Variants in MDFIC observed in about 807,000 individuals in gnomAD.
The protein encoded by MDFIC is myoD family inhibitor domain-containing protein.
MDFIC carries 17 observed loss-of-function variants against 23.2 expected under a neutral mutation model. The observed-to-expected ratio is 0.73, with a 90% confidence interval of 0.50 to 1.10. The LOEUF (loss-of-function observed/expected upper bound fraction) is 1.10, where lower values mean the gene tolerates loss of function less well. Ranked by LOEUF, MDFIC falls within the 50% of genes least tolerant of loss-of-function variation. The pLI is 0.00. For synonymous variants in MDFIC, 120 were observed against 115.2 expected (o/e 1.04, Z -0.27); for missense variants, 356 against 316.6 (o/e 1.12, Z -0.95).
intron 4 of MDFIC, among the ~76,000 whole-genome samples, chr7:114,997,443 C>G (rs1286368071): frequency 6.6e-6 from 1 of 151,228 alleles, no homozygotes; most frequent in Non-Finnish European, 1.5e-5. Context: ...TGTGTTTTAT[C>G]TCTCTCAGAT....
chr7:115,006,745 G>A (rs1458616423), intron 4 of MDFIC, among the ~76,000 whole-genome samples: 1 of 152,066 alleles, frequency 6.6e-6, no homozygotes, highest in African/African-American at 2.4e-5. Context: ...AGCCATAAAT[G>A]GTATTGTTAC....
chr7:115,006,631 T>C (rs1311066944), intron 4 of MDFIC, among the ~76,000 whole-genome samples: 2 of 152,210 alleles, frequency 1.3e-5, no homozygotes, highest in Non-Finnish European at 2.9e-5. Context: ...GAAAATAAAA[T>C]TAGAAAATAT....
chr7:115,007,343 A>G (rs1791588856), intron 4 of MDFIC, among the ~76,000 whole-genome samples: 2 of 152,070 alleles, frequency 1.3e-5, no homozygotes, highest in African/African-American at 4.8e-5. Context: ...ATCTCTTTTA[A>G]TCTTCATCAT....
intron 3 of MDFIC, among the ~76,000 whole-genome samples, chr7:114,945,482 A>G (rs1271405193): frequency 6.6e-6 from 1 of 152,218 alleles, no homozygotes; most frequent in East Asian, 1.9e-4. Flanking sequence ...TCCCTGGTCC[A>G]CGTAGAAAAC....
chr7:115,017,768 G>T lies in MDFIC; in HGVS notation c.*1833G>T, dbSNP rs1419949072. ...TTGGTTTGATTTAATATAATTCTTA[G>T]TAGAAATTTTGAAAGTATGCTTTGG... On this transcript the variant is annotated 3_prime_UTR_variant, in exon 5 of 5. Coordinates refer to ENST00000393486, the MANE Select transcript of MDFIC (RefSeq NM_001166345.3). 1 of 152,256 alleles carries T rather than the reference G, an allele frequency of 6.6e-6. No homozygotes were observed. The highest frequency in any genetic ancestry group is 2.4e-5 in the African/African-American group (1 of 41,396). The allele number at this position is 152,256 out of a possible 1,614,324, so 9.4% of individuals were successfully genotyped here.
At chr7:114,992,408 G>A (rs1430931157) in intron 4 of MDFIC, among the ~76,000 whole-genome samples, 3 of 152,138 alleles carry the variant, frequency 2.0e-5, no homozygotes, top group African/African-American at 4.8e-5. Context: ...TGGTGAGAGA[G>A]GGCATCCCTG....
At chr7:114,929,065 A>G (rs1314283621) in intron 2 of MDFIC, among the ~76,000 whole-genome samples, 1 of 130,896 alleles carries the variant, frequency 7.6e-6, no homozygotes. Context: ...ATATAGATAT[A>G]GATCTATAGA....
chr7:114,977,458 C>T (rs987886636), intron 3 of MDFIC, among the ~76,000 whole-genome samples: 8 of 152,094 alleles, frequency 5.3e-5, no homozygotes, highest in Non-Finnish European at 1.0e-4. Context: ...CTAAAATCAA[C>T]AAATACCTCT....
At chr7:114,963,028 G>A (rs192735898) in intron 3 of MDFIC, among the ~76,000 whole-genome samples, 1 of 152,092 alleles carries the variant, frequency 6.6e-6, no homozygotes, top group Non-Finnish European at 1.5e-5. Context: ...CCAAATTGTG[G>A]TTGTATTTTA....
rs533408950 is a variant in MDFIC, at chr7:115,007,713, A to G, written c.494-7975A>G. 6.8e-5 allele frequency among the ~76,000 whole-genome samples: 10 copies of G among 148,090 alleles called. No homozygotes were observed. In the South Asian group the frequency reaches 2.2e-3, roughly 32 times the overall value. ...TTTTGGTATAGAGTCTCACCCTGACACCCAGGCTGGAGTGCAGTGGCATGA... is the reference window on the plus strand; with the variant it reads ...TTTTGGTATAGAGTCTCACCCTGACGCCCAGGCTGGAGTGCAGTGGCATGA... On this transcript the variant is annotated intron_variant, in intron 4 of 4. Transcript: ENST00000393486.
Position 114,999,764 on chromosome 7 carries a change from G to C in MDFIC, c.494-15924G>C, listed in dbSNP as rs143627888. 6.9e-3 allele frequency among the ~76,000 whole-genome samples: 309 copies of C among 44,736 alleles called. 4 individuals carry two copies. The highest frequency in any genetic ancestry group is 0.016 in the African/African-American group (296 of 18,224). 29.3% of individuals were successfully genotyped at this position (44,736 alleles called of 152,430 possible). Reference sequence around the variant, plus strand: ...TGAACCTCCAGCTCAGGGGTCCTTAGCATTGGGGGAGGGTCCAATGTAAGT... The same window carrying C: ...TGAACCTCCAGCTCAGGGGTCCTTACCATTGGGGGAGGGTCCAATGTAAGT... On this transcript the variant is annotated intron_variant, in intron 4 of 4. Transcript: ENST00000393486.
intron 2 of MDFIC, among the ~76,000 whole-genome samples, chr7:114,933,318 G>GCGTGATCT (rs535970446): frequency 9.4e-4 from 142 of 151,112 alleles, no homozygotes; most frequent in African/African-American, 3.2e-3. Flanking sequence ...GAGTGCAATG[G>GCGTGATCT]CGTGATCTCG....
chr7:114,935,022 T>C (rs2115725074), intron 2 of MDFIC, among the ~76,000 whole-genome samples: 1 of 152,254 alleles, frequency 6.6e-6, no homozygotes, highest in Non-Finnish European at 1.5e-5. Flanking sequence ...AGGTTACAGT[T>C]GGGAAACATT....
chr7:114,974,437 C>G lies in MDFIC; in HGVS notation c.218-5069C>G, dbSNP rs73445405. Among the ~76,000 whole-genome samples, 859 of 152,124 alleles carry G rather than the reference C, an allele frequency of 5.6e-3. 6 individuals carry two copies. Among genetic ancestry groups the G allele is most frequent in the African/African-American group, 0.019 (798 of 41,520 alleles). On this transcript the variant is annotated intron_variant, in intron 3 of 4. Transcript: ENST00000393486. ...TTAGATTTACACCAAGTCATTTTCCCCCTCCATATTCTACATTGATCATTT... is the reference window on the plus strand; with the variant it reads ...TTAGATTTACACCAAGTCATTTTCCGCCTCCATATTCTACATTGATCATTT...
At chr7:114,971,449 A>G (rs925718632) in intron 3 of MDFIC, among the ~76,000 whole-genome samples, 1 of 152,182 alleles carries the variant, frequency 6.6e-6, no homozygotes, top group Non-Finnish European at 1.5e-5. Context: ...AAAGGGATCC[A>G]AAAGCAGGGC....
chr7:114,959,129 T>C (rs937037896), intron 3 of MDFIC, among the ~76,000 whole-genome samples: 1 of 152,180 alleles, frequency 6.6e-6, no homozygotes, highest in African/African-American at 2.4e-5. Context: ...TGAACAAACA[T>C]AAGACCAACT....
At chr7:114,957,066 T>C (rs1792898070) in intron 3 of MDFIC, among the ~76,000 whole-genome samples, 1 of 152,184 alleles carries the variant, frequency 6.6e-6, no homozygotes, top group Admixed American at 6.5e-5. Context: ...TGTAACACTT[T>C]TACCTAAGCT....
chr7:115,019,898 A>G lies in MDFIC; in HGVS notation c.*3963A>G, dbSNP rs1428528666. Among the ~76,000 whole-genome samples, 1 of 152,132 alleles carries G rather than the reference A, an allele frequency of 6.6e-6. No individual in the cohort carries two copies. The highest frequency in any genetic ancestry group is 1.5e-5 in the Non-Finnish European group (1 of 68,010). Reference sequence around the variant, plus strand: ...ACCCTTCATCTTCGTATGCTTATACAATAAATTGCAGTGAGTGTTTTCTTT... The same window carrying G: ...ACCCTTCATCTTCGTATGCTTATACGATAAATTGCAGTGAGTGTTTTCTTT... On this transcript the variant is annotated 3_prime_UTR_variant, in exon 5 of 5. Coordinates refer to ENST00000393486, the MANE Select transcript of MDFIC (RefSeq NM_001166345.3).
rs1433681585 is a variant in MDFIC at position 114,974,578 on chromosome 7, G to A, written c.218-4928G>A. ...TGTAATTTTATTAAATCTGACTTGT[G>A]TAAAGTGACCAGTGGCTGAAGATGA... On this transcript the variant is annotated intron_variant, in intron 3 of 4. Coordinates refer to ENST00000393486, the MANE Select transcript of MDFIC (RefSeq NM_001166345.3). Among the ~76,000 whole-genome samples, 4 of 152,058 alleles carry A rather than the reference G, an allele frequency of 2.6e-5. No individual in the cohort carries two copies. The East Asian group carries it at 7.7e-4, about 29-fold the overall frequency.
Sources: allele counts gnomAD v4.1 joint callset (sites outside exome capture counted in the v4.1 genomes callset), GRCh38; gene constraint gnomAD v4.1.1; transcripts MANE v1.5; gene names NCBI Gene and HGNC (gene_info 2026-07-23, HGNC 2026-07-21).